Variants in KRAS observed in about 807,000 individuals in gnomAD.
The protein encoded by KRAS is GTPase KRas.
A neutral mutation model predicts 21.0 loss-of-function variants in KRAS; 1 was observed. That is an observed-to-expected ratio of 0.05 (90% CI 0.02 to 0.23). KRAS has a LOEUF of 0.23. Among genes scored for constraint, KRAS ranks in the 10% least tolerant of loss-of-function variants. KRAS has a pLI of 1.00. For missense variants in KRAS, 107 were observed against 221.8 expected, an observed-to-expected ratio of 0.48 and a Z score of 3.29; for synonymous variants, 67 against 72.5, an observed-to-expected ratio of 0.92 and a Z score of 0.39.
intron 2 of KRAS, among the ~76,000 whole-genome samples, chr12:25,239,366 C>A (rs1173998409): frequency 6.6e-6 from 1 of 151,948 alleles, no homozygotes; most frequent in Non-Finnish European, 1.5e-5. Context: ...TCAGTTTTTT[C>A]CCAAATGTTT....
chr12:25,213,456 G>A (rs1161314757), intron 4 of KRAS, among the ~76,000 whole-genome samples: 2 of 152,140 alleles, frequency 1.3e-5, no homozygotes, highest in African/African-American at 2.4e-5. Context: ...TATTTTAGAG[G>A]TTGTGGTAAA....
Position 25,208,844 on chromosome 12 carries a change from AAAT to A in KRAS, c.*948_*950del. The A allele has an allele frequency of 4.2e-6, 1 of 239,860 alleles. No homozygotes were observed. The highest frequency in any genetic ancestry group is 6.0e-5 in the East Asian group (1 of 16,758). 14.9% of individuals were successfully genotyped at this position (239,860 alleles called of 1,614,324 possible). A position where few individuals can be genotyped will look rare whatever the true frequency, so the allele number is the denominator to read the frequency against. On this transcript the variant is annotated 3_prime_UTR_variant, in exon 5 of 5. Transcript: ENST00000311936. ...ACACCTAATAAGCTATAACTGGCCC[AAAT>A]AATCTTTTAATGTCACAAGCAGAAT...
chr12:25,250,094 G>A (rs996101042), intron 1 of KRAS, among the ~76,000 whole-genome samples: 2 of 151,942 alleles, frequency 1.3e-5, no homozygotes, highest in African/African-American at 4.8e-5. Flanking sequence ...GGAACTCGGA[G>A]GCAGATGCAT....
At chr12:25,218,976 GCCGCCCA>G (rs200461871) in intron 4 of KRAS, among the ~76,000 whole-genome samples, 2,276 of 144,492 alleles carry the variant, frequency 0.016, 55 homozygotes, top group African/African-American at 0.056. Context: ...GTCTCGCTCT[GCCGCCCA>G]GGCTGGACTG....
chr12:25,243,085 C>T (rs1951631160), intron 2 of KRAS, among the ~76,000 whole-genome samples: 1 of 152,148 alleles, frequency 6.6e-6, no homozygotes, highest in Non-Finnish European at 1.5e-5. Flanking sequence ...CTCTGACCCA[C>T]ACGGATTGGT....
intron 4 of KRAS, among the ~76,000 whole-genome samples, chr12:25,223,363 C>T (rs756670294): frequency 5.3e-5 from 8 of 151,968 alleles, no homozygotes; most frequent in Admixed American, 6.6e-5. Flanking sequence ...TTTCTCAGTA[C>T]CTTCTCTCCT....
chr12:25,246,055 A>ATAT (rs1951675662), intron 1 of KRAS, among the ~76,000 whole-genome samples: 2 of 151,746 alleles, frequency 1.3e-5, no homozygotes, highest in Admixed American at 1.3e-4. Context: ...TTAATGTGTG[A>ATAT]AATATCTCTG....
intron 2 of KRAS, among the ~76,000 whole-genome samples, chr12:25,229,442 T>C (rs1300235922): frequency 7.2e-5 from 11 of 152,218 alleles, no homozygotes; most frequent in Non-Finnish European, 1.6e-4. Context: ...GCAATATTGT[T>C]TCATCTGCAA....
intron 4 of KRAS, among the ~76,000 whole-genome samples, chr12:25,217,256 T>C (rs528624767): frequency 6.8e-4 from 104 of 152,306 alleles, no homozygotes; most frequent in Middle Eastern, 3.4e-3. Flanking sequence ...CTGCCTACAG[T>C]AGTTAAGAAA....
Position 25,211,446 on chromosome 12 carries a change from G to T in KRAS, c.451-1535C>A, listed in dbSNP as rs61763581. Among the ~76,000 whole-genome samples, 525 of 152,048 alleles carry T rather than the reference G, an allele frequency of 3.5e-3. 8 individuals carry two copies. The highest frequency in any genetic ancestry group is 0.012 in the African/African-American group (506 of 41,476). On this transcript the variant is annotated intron_variant, in intron 4 of 4. Transcript: ENST00000311936. Reference sequence around the variant, plus strand: ...AAAAATTAGCTGGGTGTGGTAGCAGGTGCCTGTAATCCCAGCTACTCAGGA... The same window carrying T: ...AAAAATTAGCTGGGTGTGGTAGCAGTTGCCTGTAATCCCAGCTACTCAGGA...
At chr12:25,216,364 C>G (rs959442806) in intron 4 of KRAS, among the ~76,000 whole-genome samples, 5 of 152,146 alleles carry the variant, frequency 3.3e-5, no homozygotes, top group African/African-American at 1.2e-4. Flanking sequence ...CAGCCTCGAC[C>G]TCCCAGGCTA....
rs1951407664 is a variant in KRAS at position 25,227,415 on chromosome 12, G to A, written c.112-3C>T. ...ACTACTTGCTTCCTGTAGGAATCCT[G>A]AGAAGGGAGAAACACAGTCTGGATT... On this transcript the variant is annotated splice_region_variant and splice_polypyrimidine_tract_variant and intron_variant, in intron 2 of 4. Coordinates refer to ENST00000311936, the MANE Select transcript of KRAS (RefSeq NM_004985.5). 1 of 1,613,538 alleles carries A rather than the reference G, an allele frequency of 6.2e-7. No individual in the cohort carries two copies. The highest frequency in any genetic ancestry group is 1.3e-5 in the African/African-American group (1 of 74,898).
chr12:25,235,327 G>T, intron 2 of KRAS: 2 of 430,804 alleles, frequency 4.6e-6, no homozygotes, highest in Non-Finnish European at 4.3e-6. Context: ...GATGTGTTCC[G>T]CACTTTCCGT....
intron 4 of KRAS, among the ~76,000 whole-genome samples, chr12:25,223,702 T>A (rs1190638886): frequency 6.6e-6 from 1 of 152,204 alleles, no homozygotes; most frequent in African/African-American, 2.4e-5. Context: ...AACATATATA[T>A]TAGCTGGATA....
intron 2 of KRAS, among the ~76,000 whole-genome samples, chr12:25,242,205 G>C (rs1951618322): frequency 6.6e-6 from 1 of 152,066 alleles, no homozygotes; most frequent in African/African-American, 2.4e-5. Flanking sequence ...CACAATAAAA[G>C]CATGCTGATG....
intron 1 of KRAS, among the ~76,000 whole-genome samples, chr12:25,246,833 C>T (rs1012969980): frequency 2.6e-5 from 4 of 151,252 alleles, no homozygotes; most frequent in African/African-American, 9.7e-5. Flanking sequence ...AGAAGAATGG[C>T]GTGAACCCAG....
chr12:25,225,795 T>A (rs746833386), intron 3 of KRAS, 22 bp from the exon 4 acceptor site: 14 of 1,605,500 alleles, frequency 8.7e-6, no homozygotes, highest in Non-Finnish European at 1.2e-5. Context: ...AAAAAAGTTA[T>A]AGCACAGTCA....
chr12:25,226,343 C>A (rs979098943), intron 3 of KRAS, among the ~76,000 whole-genome samples: 5 of 152,022 alleles, frequency 3.3e-5, no homozygotes, highest in African/African-American at 1.2e-4. Context: ...AATTACATTC[C>A]CTCACAATTT....
At chr12:25,231,373 G>A (rs1393521294) in intron 2 of KRAS, among the ~76,000 whole-genome samples, 2 of 151,918 alleles carry the variant, frequency 1.3e-5, no homozygotes, top group Non-Finnish European at 2.9e-5. Context: ...GTCAACCATC[G>A]CGCCCAGCCT....
Sources: gnomAD v4.1 joint callset for allele counts (sites outside exome capture counted in the v4.1 genomes callset) on GRCh38, gnomAD v4.1.1 for gene constraint, MANE v1.5 for transcripts, NCBI Gene and HGNC (gene_info 2026-07-23, HGNC 2026-07-21) for gene names.